Variants in CRPPA observed in about 807,000 individuals in gnomAD.
The protein encoded by CRPPA is CDP-L-ribitol pyrophosphorylase A, also known as D-ribitol-5-phosphate cytidylyltransferase.
In CRPPA, 43 loss-of-function variants were observed where a neutral mutation model predicts 52.0. That is an observed-to-expected ratio of 0.83 (90% confidence interval 0.65 to 1.07). The LOEUF (loss-of-function observed/expected upper bound fraction) is 1.07, where lower values mean the gene tolerates loss of function less well. Ranked by LOEUF, CRPPA falls within the 50% of genes least tolerant of loss-of-function variation. CRPPA has a pLI of 0.00. For missense variants in CRPPA, 629 were observed against 551.7 expected, an observed-to-expected ratio of 1.14 and a Z score of -1.40; for synonymous variants, 250 against 203.5, an observed-to-expected ratio of 1.23 and a Z score of -1.94.
chr7:16,181,218 T>C (rs1781406877), intron 9 of CRPPA, among the ~76,000 whole-genome samples: 1 of 151,930 alleles, frequency 6.6e-6, no homozygotes, highest in Non-Finnish European at 1.5e-5. Context: ...TGGAATGTGA[T>C]ACAATGTAAT....
Position 16,261,333 on chromosome 7 carries a change from A to G in CRPPA, c.934-2321T>C, listed in dbSNP as rs75118584. Among the ~76,000 whole-genome samples, 1,068 of 152,208 alleles carry G rather than the reference A, an allele frequency of 7.0e-3. 11 individuals carry two copies. Among genetic ancestry groups the G allele is most frequent in the African/African-American group, 0.024 (1,012 of 41,556 alleles). ...TAATGACAACTCACTTCTTTTTGTA[A>G]GTCAGTATTCACTGACTTCCTTCTG... On this transcript the variant is annotated intron_variant, in intron 6 of 9. Coordinates refer to ENST00000407010, the MANE Select transcript of CRPPA (RefSeq NM_001101426.4).
intron 6 of CRPPA, among the ~76,000 whole-genome samples, chr7:16,273,619 C>T (rs1240272611): frequency 2.0e-5 from 3 of 152,118 alleles, no homozygotes; most frequent in African/African-American, 7.2e-5. Context: ...CACCACCCTT[C>T]AATTAACTGA....
intron 9 of CRPPA, among the ~76,000 whole-genome samples, chr7:16,111,847 A>G (rs759640562): frequency 4.6e-5 from 7 of 152,184 alleles, no homozygotes; most frequent in Admixed American, 3.3e-4. Flanking sequence ...GTTCTATTGC[A>G]ATGTGGTGAA....
intron 9 of CRPPA, among the ~76,000 whole-genome samples, chr7:16,185,987 A>C (rs1157457535): frequency 6.6e-6 from 1 of 152,190 alleles, no homozygotes; most frequent in Non-Finnish European, 1.5e-5. Flanking sequence ...GTACCAATAG[A>C]CCATAATATA....
At chr7:16,284,662 A>G (rs965422581) in intron 5 of CRPPA, among the ~76,000 whole-genome samples, 1 of 152,170 alleles carries the variant, frequency 6.6e-6, no homozygotes, top group Middle Eastern at 3.4e-3. Flanking sequence ...TGAGTAATAC[A>G]CCCATGTTGG....
chr7:16,223,850 C>A (rs901015443), intron 8 of CRPPA, among the ~76,000 whole-genome samples: 1 of 152,100 alleles, frequency 6.6e-6, no homozygotes, highest in African/African-American at 2.4e-5. Context: ...TTGAGTACTG[C>A]AGATTTGCTT....
chr7:16,104,603 T>C (rs182038179), intron 9 of CRPPA, among the ~76,000 whole-genome samples: 196 of 152,212 alleles, frequency 1.3e-3, no homozygotes, highest in Admixed American at 2.3e-3. Context: ...TATTTTGAAT[T>C]AAAAATCTCA....
intron 1 of CRPPA, among the ~76,000 whole-genome samples, chr7:16,412,552 G>C (rs1272826326): frequency 6.6e-6 from 1 of 152,158 alleles, no homozygotes; most frequent in African/African-American, 2.4e-5. Context: ...GTCTTTATAA[G>C]TACTGTTTGT....
At chr7:16,341,237 T>C (rs1005174640) in intron 3 of CRPPA, among the ~76,000 whole-genome samples, 2 of 151,948 alleles carry the variant, frequency 1.3e-5, no homozygotes, top group African/African-American at 4.8e-5. Flanking sequence ...GTGTAAACTA[T>C]GAACTCTAGG....
chr7:16,286,068 T>TAATATTTAAAA (rs1784434433), intron 5 of CRPPA, among the ~76,000 whole-genome samples: 1 of 24,056 alleles, frequency 4.2e-5, no homozygotes, highest in Non-Finnish European at 7.2e-5. Context: ...TATATATATA[T>TAATATTTAAAA]ATATATATAT....
intron 2 of CRPPA, among the ~76,000 whole-genome samples, chr7:16,393,794 T>G (rs1583573403): frequency 6.6e-6 from 1 of 151,998 alleles, no homozygotes; most frequent in Admixed American, 6.6e-5. Flanking sequence ...TGAAAGAAAA[T>G]AGTTATAAAA....
At chr7:16,343,082 T>C (rs925358094) in intron 3 of CRPPA, among the ~76,000 whole-genome samples, 4 of 151,802 alleles carry the variant, frequency 2.6e-5, no homozygotes, top group Admixed American at 6.6e-5. Context: ...AAGCCAAATA[T>C]GTGAAAATCA....
At chr7:16,411,880 T>C (rs1165097308) in intron 1 of CRPPA, among the ~76,000 whole-genome samples, 1 of 152,202 alleles carries the variant, frequency 6.6e-6, no homozygotes, top group African/African-American at 2.4e-5. Flanking sequence ...TTTCATAGTA[T>C]ATTCTACCAG....
At chr7:16,346,954 A>G (rs1374763285) in intron 3 of CRPPA, among the ~76,000 whole-genome samples, 1 of 151,934 alleles carries the variant, frequency 6.6e-6, no homozygotes, top group Non-Finnish European at 1.5e-5. Context: ...CACCCAGTCA[A>G]CTCCACCCTA....
intron 9 of CRPPA, among the ~76,000 whole-genome samples, chr7:16,116,830 G>A (rs777932884): frequency 1.3e-5 from 2 of 152,096 alleles, no homozygotes; most frequent in East Asian, 1.9e-4. Context: ...AGAGGAACAA[G>A]AACAAAACAT....
At chr7:16,098,263 C>G (rs1309241258) in intron 9 of CRPPA, among the ~76,000 whole-genome samples, 3 of 152,160 alleles carry the variant, frequency 2.0e-5, no homozygotes, top group African/African-American at 7.2e-5. Flanking sequence ...CTATACACAT[C>G]ACTTCTAAAG....
Position 16,398,517 on chromosome 7 carries a change from G to A in CRPPA, c.534+7544C>T, listed in dbSNP as rs1482219686. On this transcript the variant is annotated intron_variant, in intron 2 of 9. Coordinates refer to ENST00000407010, the MANE Select transcript of CRPPA (RefSeq NM_001101426.4). ...TATCATTGGCACGTGATTGGCATAGGTCCAAAATGTGACAAATGATCGACA... is the reference window on the plus strand; with the variant it reads ...TATCATTGGCACGTGATTGGCATAGATCCAAAATGTGACAAATGATCGACA... 2.0e-5 allele frequency among the ~76,000 whole-genome samples: 3 copies of A among 152,094 alleles called. No homozygotes were observed. The East Asian group carries it at 5.8e-4, about 29-fold the overall frequency.
At chr7:16,269,225 C>A (rs965833794) in intron 6 of CRPPA, 2 of 151,556 alleles carry the variant, frequency 1.3e-5, no homozygotes, top group East Asian at 1.9e-4. Context: ...GAAAGACATG[C>A]GCAAATGGAT....
intron 9 of CRPPA, among the ~76,000 whole-genome samples, chr7:16,202,354 T>C (rs552456917): frequency 3.5e-4 from 54 of 152,150 alleles, no homozygotes; most frequent in Non-Finnish European, 6.6e-4. Context: ...CAGAAACCAA[T>C]AGAGTAGTAC....
Sources: allele counts gnomAD v4.1 joint callset (sites outside exome capture counted in the v4.1 genomes callset), GRCh38; gene constraint gnomAD v4.1.1; transcripts MANE v1.5; gene names NCBI Gene and HGNC (gene_info 2026-07-23, HGNC 2026-07-21).